Variants in RNLS observed in about 807,000 individuals in gnomAD.
RNLS encodes the protein renalase.
In RNLS, 39 loss-of-function variants were observed where a neutral mutation model predicts 39.8. The ratio of observed to expected loss-of-function variants is 0.98; its 90% CI spans 0.76 to 1.28. RNLS has a LOEUF of 1.28. RNLS is among the 50% of genes most tolerant of loss of function. RNLS has a pLI of 0.00. For missense variants in RNLS, 410 were observed against 413.3 expected (o/e 0.99, Z 0.07); for synonymous variants, 147 against 150.7 (o/e 0.98, Z 0.18).
the RNLS span, among the ~76,000 whole-genome samples, chr10:88,267,372 T>A: frequency 6.6e-6 from 1 of 152,088 alleles, no homozygotes; most frequent in Non-Finnish European, 1.5e-5. Flanking sequence ...ATCCCAGAGT[T>A]TGAGACCAGC....
the RNLS span, among the ~76,000 whole-genome samples, chr10:88,210,916 G>A: frequency 1.5e-4 from 23 of 152,256 alleles, no homozygotes; most frequent in African/African-American, 5.3e-4. Context: ...GGCACTGAAG[G>A]AGGTTGGCCT....
the RNLS span, among the ~76,000 whole-genome samples, chr10:88,195,362 C>T: frequency 6.6e-6 from 1 of 152,182 alleles, no homozygotes; most frequent in Non-Finnish European, 1.5e-5. Context: ...GCCACTAAAG[C>T]TCTGAACCTA....
At chr10:88,430,862 T>C (rs10788600) in intron 4 of RNLS, among the ~76,000 whole-genome samples, 105,708 of 151,534 alleles carry the variant, frequency 0.7, 37,745 homozygotes, top group African/African-American at 0.86. Flanking sequence ...CTTTTGTATA[T>C]GTTGTTGAAT....
At chr10:88,579,215 G>A (rs1163106404) in intron 3 of RNLS, among the ~76,000 whole-genome samples, 1 of 152,142 alleles carries the variant, frequency 6.6e-6, no homozygotes, top group African/African-American at 2.4e-5. Context: ...ACCAAGGCCT[G>A]TCTGTCTAGA....
chr10:88,264,070 G>A, the RNLS span, among the ~76,000 whole-genome samples: 65 of 152,248 alleles, frequency 4.3e-4, no homozygotes, highest in East Asian at 8.3e-3. Flanking sequence ...AACATATGAC[G>A]TTTGGTTTTC....
chr10:88,200,001 T>A, the RNLS span, among the ~76,000 whole-genome samples: 5 of 152,148 alleles, frequency 3.3e-5, no homozygotes, highest in African/African-American at 7.2e-5. Context: ...TGCTGGCATA[T>A]GGCTGTTGTC....
intron 4 of RNLS, among the ~76,000 whole-genome samples, chr10:88,459,014 C>A (rs1449889270): frequency 6.6e-6 from 1 of 152,136 alleles, no homozygotes; most frequent in Non-Finnish European, 1.5e-5. Context: ...CTCAATGCTT[C>A]CAACACTTTT....
intron 5 of RNLS, among the ~76,000 whole-genome samples, chr10:88,348,603 C>G (rs1219597093): frequency 6.6e-6 from 1 of 152,174 alleles, no homozygotes; most frequent in Non-Finnish European, 1.5e-5. Context: ...AAATGCCAGG[C>G]AGCTGTAGAC....
intron 4 of RNLS, among the ~76,000 whole-genome samples, chr10:88,511,694 G>A (rs1271342367): frequency 6.6e-6 from 1 of 152,056 alleles, no homozygotes; most frequent in African/African-American, 2.4e-5. Context: ...TGTCCCAGAA[G>A]CCAAGTGAAG....
intron 4 of RNLS, among the ~76,000 whole-genome samples, chr10:88,501,023 G>GTA (rs555078019): frequency 1.4e-5 from 2 of 139,408 alleles, no homozygotes; most frequent in Admixed American, 7.5e-5. Context: ...ATATCTCTGT[G>GTA]TGTGTGTGTG....
intron 6 of RNLS, among the ~76,000 whole-genome samples, chr10:88,276,610 C>G (rs999951): frequency 0.23 from 34,326 of 151,994 alleles, 3,936 homozygotes; most frequent in South Asian, 0.27. Context: ...GTTATTATTT[C>G]CACTGATTTG....
chr10:88,237,240 C>CCCTT, the RNLS span, among the ~76,000 whole-genome samples: 8 of 132,552 alleles, frequency 6.0e-5, no homozygotes, highest in Admixed American at 1.5e-4. Context: ...CTCCCTCCCT[C>CCCTT]CCTTCCTTCC....
intron 4 of RNLS, among the ~76,000 whole-genome samples, chr10:88,395,582 G>A (rs1226670579): frequency 6.6e-6 from 1 of 151,790 alleles, no homozygotes; most frequent in Non-Finnish European, 1.5e-5. Context: ...AAAGAATGAG[G>A]AAAAATGAAC....
At chr10:88,531,089 T>C (rs1400140941) in intron 4 of RNLS, among the ~76,000 whole-genome samples, 1 of 152,150 alleles carries the variant, frequency 6.6e-6, no homozygotes, top group Admixed American at 6.5e-5. Flanking sequence ...ACTGAGTAAA[T>C]GTTCTCAGTG....
At chr10:88,574,940 C>A (rs879342129) in intron 3 of RNLS, among the ~76,000 whole-genome samples, 10 of 151,756 alleles carry the variant, frequency 6.6e-5, no homozygotes, top group Non-Finnish European at 1.2e-4. Context: ...TGTCCCAGAC[C>A]TCAGCTAAGT....
At chr10:88,346,986 C>A (rs1394291848) in intron 5 of RNLS, among the ~76,000 whole-genome samples, 1 of 152,100 alleles carries the variant, frequency 6.6e-6, no homozygotes, top group African/African-American at 2.4e-5. Context: ...TCTGAGGGAG[C>A]TCTAGGCAAA....
the RNLS span, among the ~76,000 whole-genome samples, chr10:88,198,606 A>G: frequency 6.6e-6 from 1 of 152,120 alleles, no homozygotes; most frequent in African/African-American, 2.4e-5. Context: ...TGATTGGATC[A>G]TGGGTCACTC....
intron 4 of RNLS, among the ~76,000 whole-genome samples, chr10:88,436,412 A>C (rs936758332): frequency 2.6e-5 from 4 of 152,124 alleles, no homozygotes; most frequent in Admixed American, 6.5e-5. Context: ...TTCTGAATCA[A>C]AACCAAATTC....
At chr10:88,333,068 T>C (rs993831805) in intron 5 of RNLS, among the ~76,000 whole-genome samples, 1 of 152,172 alleles carries the variant, frequency 6.6e-6, no homozygotes, top group Non-Finnish European at 1.5e-5. Context: ...CTTGTTGTTT[T>C]GTAATTTCTT....
Sources: allele counts gnomAD v4.1 joint callset (sites outside exome capture counted in the v4.1 genomes callset), GRCh38; gene constraint gnomAD v4.1.1; transcripts MANE v1.5; gene names NCBI Gene and HGNC (gene_info 2026-07-23, HGNC 2026-07-21).